Variants in GNAT3 observed in about 807,000 individuals in gnomAD.
GNAT3 encodes the protein guanine nucleotide-binding protein G(t) subunit alpha-3.
In GNAT3, 31 loss-of-function variants were observed where a neutral mutation model predicts 37.7. The ratio of observed to expected loss-of-function variants is 0.82; its 90% CI spans 0.62 to 1.11. GNAT3 has a LOEUF of 1.11. Among genes scored for constraint, GNAT3 ranks in the 50% most tolerant of loss-of-function variants. The pLI is 0.00. For missense variants in GNAT3, 437 were observed against 412.5 expected (o/e 1.06, Z -0.51); for synonymous variants, 138 against 139.8 (o/e 0.99, Z 0.09).
intron 1 of GNAT3, among the ~76,000 whole-genome samples, chr7:80,507,548 T>C (rs1790971238): frequency 6.6e-6 from 1 of 151,964 alleles, no homozygotes; most frequent in African/African-American, 2.4e-5. Context: ...ACAAAATACT[T>C]TGACATCCAT....
chr7:80,461,448 C>T (rs1435834559), intron 7 of GNAT3, among the ~76,000 whole-genome samples: 1 of 151,974 alleles, frequency 6.6e-6, no homozygotes, highest in Non-Finnish European at 1.5e-5. Context: ...ACTCGGGAGG[C>T]TGAAGCAGGG....
intron 5 of GNAT3, among the ~76,000 whole-genome samples, chr7:80,472,087 A>AT (rs1222445052): frequency 1.3e-5 from 2 of 152,098 alleles, no homozygotes; most frequent in Non-Finnish European, 2.9e-5. Flanking sequence ...ACAGAAACAA[A>AT]AAGAGAAAAC....
intron 1 of GNAT3, among the ~76,000 whole-genome samples, chr7:80,507,447 T>C (rs1226363774): frequency 1.3e-5 from 2 of 152,030 alleles, no homozygotes; most frequent in African/African-American, 4.8e-5. Flanking sequence ...GGAAGAATAA[T>C]GATACACATT....
chr7:80,511,558 C>T (rs2030709), intron 1 of GNAT3, among the ~76,000 whole-genome samples: 88,155 of 151,796 alleles, frequency 0.58, 25,807 homozygotes, highest in East Asian at 0.72. Flanking sequence ...TAATAGTAAA[C>T]CATATTACTG....
intron 3 of GNAT3, among the ~76,000 whole-genome samples, chr7:80,482,905 G>A (rs1790416022): frequency 6.6e-6 from 1 of 151,800 alleles, no homozygotes; most frequent in African/African-American, 2.4e-5. Context: ...TATAGTTCTA[G>A]TTTAAACACT....
intron 1 of GNAT3, among the ~76,000 whole-genome samples, chr7:80,505,521 C>T (rs1392744852): frequency 3.3e-5 from 5 of 152,126 alleles, no homozygotes; most frequent in East Asian, 1.9e-4. Flanking sequence ...CGCCCGCCAA[C>T]ACGCCCGGCT....
intron 5 of GNAT3, among the ~76,000 whole-genome samples, chr7:80,471,419 G>T (rs533780154): frequency 6.6e-6 from 1 of 151,912 alleles, no homozygotes; most frequent in Non-Finnish European, 1.5e-5. Flanking sequence ...AAAATTTTAT[G>T]ATTGTTTATA....
At chr7:80,460,145 A>C (rs1790025334) in intron 7 of GNAT3, among the ~76,000 whole-genome samples, 1 of 152,168 alleles carries the variant, frequency 6.6e-6, no homozygotes, top group African/African-American at 2.4e-5. Context: ...TTTAGGAATA[A>C]AAAAATTAGC....
intron 5 of GNAT3, among the ~76,000 whole-genome samples, chr7:80,467,750 G>A (rs185401311): frequency 2.6e-5 from 4 of 152,066 alleles, no homozygotes; most frequent in Admixed American, 6.6e-5. Flanking sequence ...ATTAAAATCA[G>A]AGAAAACATG....
chr7:80,511,035 T>C (rs2116240937), intron 1 of GNAT3, among the ~76,000 whole-genome samples: 1 of 152,278 alleles, frequency 6.6e-6, no homozygotes, highest in African/African-American at 2.4e-5. Flanking sequence ...CAAAAACATA[T>C]TTCTGTTTCA....
chr7:80,465,970 G>A (rs1711694692), intron 5 of GNAT3, among the ~76,000 whole-genome samples: 2 of 152,016 alleles, frequency 1.3e-5, no homozygotes, highest in African/African-American at 4.8e-5. Context: ...TACATTACTA[G>A]GTTTAAACTC....
At chr7:80,460,855 C>G (rs1382538214) in intron 7 of GNAT3, among the ~76,000 whole-genome samples, 2 of 151,980 alleles carry the variant, frequency 1.3e-5, no homozygotes, top group Admixed American at 1.3e-4. Context: ...AAGCAGTTCT[C>G]TAATAATAGA....
chr7:80,459,487 A>G (rs1790013086), intron 7 of GNAT3, among the ~76,000 whole-genome samples: 2 of 152,208 alleles, frequency 1.3e-5, no homozygotes, highest in Non-Finnish European at 2.9e-5. Context: ...TTAGGATGCG[A>G]TATAAAAGGC....
intron 2 of GNAT3, among the ~76,000 whole-genome samples, chr7:80,493,323 G>T (rs746148966): frequency 6.6e-6 from 1 of 152,092 alleles, no homozygotes; most frequent in Non-Finnish European, 1.5e-5. Context: ...CTCAAAAATG[G>T]TGCAATCCCA....
At chr7:80,470,420 C>G (rs1370634960) in intron 5 of GNAT3, among the ~76,000 whole-genome samples, 1 of 152,072 alleles carries the variant, frequency 6.6e-6, no homozygotes, top group Non-Finnish European at 1.5e-5. Flanking sequence ...CGGGGTTTCA[C>G]CATGTTGGCC....
At chr7:80,475,816 C>T (rs961458928) in intron 4 of GNAT3, among the ~76,000 whole-genome samples, 3 of 151,798 alleles carry the variant, frequency 2.0e-5, no homozygotes, top group South Asian at 2.1e-4. Context: ...GGATTTCGGC[C>T]GAGAGTAAAA....
chr7:80,476,183 G>A (rs1295285676), intron 4 of GNAT3, among the ~76,000 whole-genome samples: 1 of 151,736 alleles, frequency 6.6e-6, no homozygotes, highest in Non-Finnish European at 1.5e-5. Flanking sequence ...TTATTTGCAT[G>A]TATGAATGAT....
At chr7:80,481,434 C>T (rs552007874) in intron 3 of GNAT3, among the ~76,000 whole-genome samples, 77 of 152,206 alleles carry the variant, frequency 5.1e-4, no homozygotes, top group African/African-American at 1.7e-3. Context: ...ATAACTCACC[C>T]GCATTAACAT....
At chr7:80,492,843 T>G (rs915972042) in intron 2 of GNAT3, among the ~76,000 whole-genome samples, 34 of 151,702 alleles carry the variant, frequency 2.2e-4, no homozygotes, top group African/African-American at 8.0e-4. Context: ...TTTTTAAAAT[T>G]ATTGTTTGTC....
Sources: allele counts gnomAD v4.1 joint callset (sites outside exome capture counted in the v4.1 genomes callset), GRCh38; gene constraint gnomAD v4.1.1; transcripts MANE v1.5; gene names NCBI Gene and HGNC (gene_info 2026-07-23, HGNC 2026-07-21).